The following PROM2 variants were observed in gnomAD, a reference collection of about 807,000 sequenced individuals.
PROM2 encodes the protein prominin-2.
In PROM2, 90 loss-of-function variants were observed where a neutral mutation model predicts 110.2. The ratio of observed to expected loss-of-function variants is 0.82; its 90% CI spans 0.69 to 0.97. PROM2 has a LOEUF of 0.97. PROM2 is among the 50% of genes least tolerant of loss of function. PROM2 has a pLI of 0.00. For synonymous variants in PROM2, 470 were observed against 467.8 expected (o/e 1.00, Z -0.06); for missense variants, 1,009 against 1,074.8 (o/e 0.94, Z 0.86).
At chr2:95,286,435 G>A in intron 16 of PROM2, 44 bp from the exon 17 acceptor site, 1 of 1,559,892 alleles carries the variant, frequency 6.4e-7, no homozygotes, top group Non-Finnish European at 8.8e-7. Context: ...GTGACGGGTA[G>A]ATGGGTCCTG....
At chr2:95,277,103 G>T (rs760949849) in intron 6 of PROM2, 42 bp downstream of exon 6, 4 of 1,517,314 alleles carry the variant, frequency 2.6e-6, no homozygotes, top group Non-Finnish European at 3.6e-6. Flanking sequence ...AGCCCAGCGG[G>T]TGTCCTCCTG....
rs552197251 is a variant in PROM2, at chr2:95,274,810, G to A, written c.225G>A (p.Gln75=). The A allele has an allele frequency of 6.3e-7, 1 of 1,575,454 alleles. No homozygotes were observed. The highest frequency in any genetic ancestry group is 1.1e-5 in the South Asian group (1 of 88,778). The change falls in exon 1 of 24, where the codon CAG becomes CAA. Residue 75 remains glutamine, a synonymous_variant. Transcript: ENST00000317620. The part of the protein sequence containing the change: ...GTVRRFLSVV[Q]LNPFPSELVK... ...TGCGCCGCTTCCTCTCGGTGGTGCA[G>A]CTCAATCCTTTCCCTTCAGGTGAGT... is the stretch of plus-strand genomic sequence containing the variant.
chr2:95,280,056 C>A, intron 11 of PROM2, 59 bp downstream of exon 11: 2 of 1,343,140 alleles, frequency 1.5e-6, no homozygotes, highest in Non-Finnish European at 1.9e-6. Flanking sequence ...TGATTACTCT[C>A]GCTCCTGAGC....
chr2:95,280,050 T>C (rs1008419149), intron 11 of PROM2, 53 bp downstream of exon 11: 20 of 1,352,082 alleles, frequency 1.5e-5, no homozygotes, highest in Middle Eastern at 2.4e-4. Flanking sequence ...GCTGGCTGAT[T>C]ACTCTCGCTC....
chr2:95,285,312 A>T (rs1677289983), intron 15 of PROM2, among the ~76,000 whole-genome samples, 197 bp downstream of exon 15: 1 of 152,126 alleles, frequency 6.6e-6, no homozygotes, highest in Admixed American at 6.5e-5. Flanking sequence ...GTCACACAGG[A>T]ATGGACAACC....
chr2:95,278,290 G>A lies in PROM2; in HGVS notation c.1050+286G>A, dbSNP rs1198720394. 1.3e-5 allele frequency: 7 copies of A among 558,132 alleles called. No individual in the cohort carries two copies. The East Asian group carries it at 2.1e-4, about 17-fold the overall frequency. 34.6% of individuals were successfully genotyped at this position (558,132 alleles called of 1,614,324 possible). A position where few individuals can be genotyped will look rare whatever the true frequency, so the allele number is the denominator to read the frequency against. On this transcript the variant is annotated intron_variant, in intron 8 of 23. Transcript: ENST00000317620. The stretch of plus-strand genomic sequence containing the variant: ...CTCCCCTGGGTGGAGATGGGCCAAG[G>A]GGGAGGATGCGGTGTTGTGAGTCAG...
intron 11 of PROM2, among the ~76,000 whole-genome samples, chr2:95,280,634 G>T (rs1229754894): frequency 6.6e-6 from 1 of 152,092 alleles, no homozygotes; most frequent in East Asian, 1.9e-4. Flanking sequence ...TTTGGGTTTT[G>T]TTTGTTTTTT....
rs1308173249 is a variant in PROM2 at position 95,275,708 on chromosome 2, G to A, written c.294+198G>A. Among the ~76,000 whole-genome samples, 1 of 152,218 alleles carries A rather than the reference G, an allele frequency of 6.6e-6. No individual in the cohort carries two copies. Among genetic ancestry groups the A allele is most frequent in the African/African-American group, 2.4e-5 (1 of 41,454 alleles). Reference sequence around the variant, plus strand: ...ACCACAGCTCTGCCATTTACTGGCAGTGAGGTTTGCAGGGAGCTGGAACTT... The same window carrying A: ...ACCACAGCTCTGCCATTTACTGGCAATGAGGTTTGCAGGGAGCTGGAACTT... On this transcript the variant is annotated intron_variant, in intron 2 of 23. Coordinates refer to ENST00000317620, the MANE Select transcript of PROM2 (RefSeq NM_001165978.3). This position sits in a 1 kb window ranked among gnomAD's most constrained non-coding sequence, Gnocchi z 4.4.
chr2:95,282,293 CTGTG>C, intron 14 of PROM2, 67 bp downstream of exon 14: 14 of 1,313,896 alleles, frequency 1.1e-5, no homozygotes, highest in African/African-American at 1.5e-5. Flanking sequence ...CTTTTTGCCT[CTGTG>C]GAGGCACCGT....
intron 22 of PROM2, 120 bp downstream of exon 22, chr2:95,288,709 G>T (rs547958015): frequency 2.3e-6 from 2 of 880,178 alleles, no homozygotes; most frequent in South Asian, 3.2e-5. Context: ...TCATGAGCGA[G>T]CCCTGAAGAG....
rs1677649947 is a variant in PROM2, at chr2:95,290,861, G to GT, written c.*1652dup. 6.5e-6 allele frequency: 1 copy of GT among 153,288 alleles called. No homozygotes were observed. Among genetic ancestry groups the GT allele is most frequent in the Non-Finnish European group, 1.4e-5 (1 of 68,972 alleles). The allele number at this position is 153,288 out of a possible 1,614,324, so 9.5% of individuals were successfully genotyped here. A position where few individuals can be genotyped will look rare whatever the true frequency, so the allele number is the denominator to read the frequency against. The stretch of plus-strand genomic sequence containing the variant: ...GTTGTTTGTTTTTGTTTGTTTGTTT[G>GT]TTTTGAGACAGGGTCTCGCTCTGTC... On this transcript the variant is annotated 3_prime_UTR_variant, in exon 24 of 24. Transcript: ENST00000317620.
intron 15 of PROM2, 81 bp from the exon 16 acceptor site, chr2:95,285,558 G>T: frequency 7.7e-6 from 9 of 1,170,558 alleles, no homozygotes; most frequent in Non-Finnish European, 1.1e-5. Context: ...TAAGACTGGG[G>T]ATTTGGAGGC....
chr2:95,287,348 T>G, intron 19 of PROM2, 48 bp from the exon 20 acceptor site: 1 of 1,606,966 alleles, frequency 6.2e-7, no homozygotes, highest in Non-Finnish European at 8.5e-7. Context: ...TGGGGGGCAC[T>G]GCTGCTTCTG....
At position 95,277,024 on chromosome 2, in the gene PROM2, G is replaced by C; in HGVS notation, c.735G>C (p.Val245=). The change falls in exon 6 of 24, where the codon GTG becomes GTC. Residue 245 remains valine, a synonymous_variant. Transcript: ENST00000317620. ...TCCACACTCAGCTCAGGAGCTCCGT[G>C]TACCCCTTGCTGGCGGCCGTGGGCA... ...SAIHTQLRSS[V]YPLLAAVGSL... is the part of the protein sequence containing the mutation. 1 of 1,553,080 alleles carries C rather than the reference G, an allele frequency of 6.4e-7. No individual in the cohort carries two copies. Among genetic ancestry groups the C allele is most frequent in the Non-Finnish European group, 8.7e-7 (1 of 1,147,586 alleles).
intron 17 of PROM2, 34 bp downstream of exon 17, chr2:95,286,605 G>C (rs748617795): frequency 6.3e-7 from 1 of 1,579,436 alleles, no homozygotes; most frequent in Non-Finnish European, 8.7e-7. Flanking sequence ...CTGGGGCCTG[G>C]GGGAGGGGAG....
Position 95,289,298 on chromosome 2 carries a change from C to G in PROM2, c.*85C>G. On this transcript the variant is annotated 3_prime_UTR_variant, in exon 24 of 24. Coordinates refer to ENST00000317620, the MANE Select transcript of PROM2 (RefSeq NM_001165978.3). ...CCACAGGACTTCGGTAGCTCTTGCC[C>G]CAGAGCCCAGGCTGGCATCCAGGCC... 4.3e-6 allele frequency: 2 copies of G among 466,346 alleles called. No homozygotes were observed. Among genetic ancestry groups the G allele is most frequent in the South Asian group, 4.5e-5 (2 of 44,754 alleles). The allele number at this position is 466,346 out of a possible 1,614,324, so 28.9% of individuals were successfully genotyped here.
chr2:95,274,749 G>A lies in PROM2; in HGVS notation c.164G>A (p.Arg55His), dbSNP rs146674837. The change falls in exon 1 of 24, where the codon CGT (arginine) becomes CAT (histidine). Residue 55 changes from arginine to histidine, a missense_variant. Physicochemically the swap from Arg to His is conservative, Grantham distance 29. Transcript: ENST00000317620. The stretch of plus-strand genomic sequence containing the variant: ...GCCCGGTGGCTGGCCCCTCGAGTTC[G>A]TGCGCCAGGACTCCTGGACTCCCTC... ...ARARWLAPRV[R>H]APGLLDSLYG... 38 of 1,611,632 alleles carry A rather than the reference G, an allele frequency of 2.4e-5. No individual in the cohort carries two copies. In the East Asian group the frequency reaches 2.5e-4, roughly 10 times the overall value.
rs775648400 is a variant in PROM2, at chr2:95,276,261, C to A, written c.532C>A (p.Arg178Ser). The change falls in exon 4 of 24, where the codon CGC (arginine) becomes AGC (serine). Residue 178 changes from arginine (R) to serine (S), a missense_variant. By Grantham distance (110) the Arg-to-Ser change is moderately radical. Transcript: ENST00000317620. This position sits in a 1 kb window ranked among gnomAD's most constrained non-coding sequence, Gnocchi z 4.6. Reference protein sequence around the residue: ...GVVCAFVTNQRTHEQMGPSIE... With the variant: ...GVVCAFVTNQSTHEQMGPSIE... ...GGTCTGTGCCTTTGTCACCAACCAG[C>A]GCACGCATGAACAGATGGGCCCCAG... 3.7e-6 allele frequency: 6 copies of A among 1,613,964 alleles called. No homozygotes were observed. The highest frequency in any genetic ancestry group is 5.1e-6 in the Non-Finnish European group (6 of 1,180,038).
intron 23 of PROM2, 88 bp downstream of exon 23, chr2:95,289,094 C>T: frequency 1.8e-6 from 2 of 1,110,362 alleles, no homozygotes; most frequent in African/African-American, 1.5e-5. Flanking sequence ...GTTTCCAGGG[C>T]CTAGGAGGGC....
Sources: gnomAD v4.1 joint callset for allele counts (sites outside exome capture counted in the v4.1 genomes callset) on GRCh38, gnomAD v4.1.1 for gene constraint, Gnocchi (gnomAD v3.1) non-coding constraint, MANE v1.5 for transcripts, NCBI Gene and HGNC (gene_info 2026-07-23, HGNC 2026-07-21) for gene names.